CELF4: variants seen among roughly 807,000 people sequenced by gnomAD.
CELF4 encodes CUG-BP- and ETR-3-like factor 4.
CELF4 carries 18 observed loss-of-function variants against 59.9 expected under a neutral mutation model. The observed-to-expected ratio is 0.30, with a 90% CI of 0.21 to 0.45. CELF4 has a LOEUF of 0.45. CELF4 is among the 20% of genes least tolerant of loss of function. The probability of loss-of-function intolerance (pLI) is 1.00; values close to 1 mark genes in which losing one functional copy is unlikely to be tolerated. For synonymous variants in CELF4, 261 were observed against 267.1 expected, an observed-to-expected ratio of 0.98 and a Z score of 0.22; for missense variants, 456 against 689.0, an observed-to-expected ratio of 0.66 and a Z score of 3.79.
intron 1 of CELF4, among the ~76,000 whole-genome samples, chr18:37,534,415 G>C (rs958292360): frequency 1.3e-5 from 2 of 152,214 alleles, no homozygotes; most frequent in East Asian, 3.9e-4. Context: ...GGTCCCCACC[G>C]GCACCACTGC....
intron 2 of CELF4, among the ~76,000 whole-genome samples, chr18:37,378,949 C>T (rs2099004178): frequency 1.3e-5 from 2 of 152,232 alleles, no homozygotes; most frequent in Admixed American, 6.5e-5. Context: ...CTCTGCAAGG[C>T]TGATACATCC....
At chr18:37,292,674 C>G (rs141139694) in intron 3 of CELF4, among the ~76,000 whole-genome samples, 1 of 152,046 alleles carries the variant, frequency 6.6e-6, no homozygotes, top group Non-Finnish European at 1.5e-5. Flanking sequence ...GCCACAATCC[C>G]GAGAAAATAA....
At position 37,408,500 on chromosome 18, in the gene CELF4, GGCGC is replaced by G. The variant is rs796220350; in HGVS notation, c.369+77021_369+77024del. ...CCCCCTTTGGTTGGTGCCGGGGGGG[GGCGC>G]GGTGCAGGAGGATGTGAGAGGAGGA... is the stretch of plus-strand genomic sequence containing the variant. On this transcript the variant is annotated intron_variant, in intron 2 of 12. Coordinates refer to ENST00000420428, the MANE Select transcript of CELF4 (RefSeq NM_020180.4). Among the ~76,000 whole-genome samples the G allele has an allele frequency of 5.1e-4, 44 of 85,984 alleles. 1 individual carries two copies. In the South Asian group the frequency reaches 7.3e-3, roughly 14 times the overall value. The allele number at this position is 85,984 out of a possible 152,430, so 56.4% of individuals were successfully genotyped here. A position where few individuals can be genotyped will look rare whatever the true frequency, so the allele number is the denominator to read the frequency against.
In CELF4 at chr18:37,315,066, G is replaced by A. The variant is rs1215907679; in HGVS notation, c.448+6737C>T. On this transcript the variant is annotated intron_variant, in intron 3 of 12. Coordinates refer to ENST00000420428, the MANE Select transcript of CELF4 (RefSeq NM_020180.4). ...TGTGTCGTGTGCTTTTCAGTTCTGG[G>A]TTCCTGGAGAGGGTGGCAGACCCTG... Among the ~76,000 whole-genome samples, 4 of 152,196 alleles carry A rather than the reference G, an allele frequency of 2.6e-5. No individual in the cohort carries two copies. The East Asian group carries it at 7.7e-4, about 29-fold the overall frequency.
At chr18:37,405,704 C>A (rs2099383574) in intron 2 of CELF4, among the ~76,000 whole-genome samples, 1 of 152,216 alleles carries the variant, frequency 6.6e-6, no homozygotes. Flanking sequence ...TATGTTCTTC[C>A]CGCTAAAAGC....
At chr18:37,310,191 A>C (rs2096594552) in intron 3 of CELF4, among the ~76,000 whole-genome samples, 1 of 152,004 alleles carries the variant, frequency 6.6e-6, no homozygotes, top group Non-Finnish European at 1.5e-5. Flanking sequence ...TCCACTTTGC[A>C]ATAGGATGAT....
At chr18:37,554,274 G>T (rs556856348) in intron 1 of CELF4, among the ~76,000 whole-genome samples, 5 of 152,254 alleles carry the variant, frequency 3.3e-5, no homozygotes, top group South Asian at 2.1e-4. Context: ...GCAGTGACCC[G>T]CAGGGCTCTT....
rs139235276 is a variant in CELF4 at position 37,553,979 on chromosome 18, C to T, written c.286+11377G>A. ...TCACACGCAATTTAGGGGCTTCCTC[C>T]CCAGGTATGAAAAAGGTGTAAAGAA... On this transcript the variant is annotated intron_variant, in intron 1 of 12. Coordinates refer to ENST00000420428, the MANE Select transcript of CELF4 (RefSeq NM_020180.4). Among the ~76,000 whole-genome samples the T allele has an allele frequency of 2.5e-3, 378 of 152,310 alleles. 1 individual carries two copies. The highest frequency in any genetic ancestry group is 6.8e-3 in the Middle Eastern group (2 of 294).
chr18:37,555,639 C>T (rs1207164919), intron 1 of CELF4, among the ~76,000 whole-genome samples: 3 of 152,190 alleles, frequency 2.0e-5, no homozygotes, highest in Non-Finnish European at 4.4e-5. Flanking sequence ...TATTGGTCAA[C>T]CAAGATATTG....
At chr18:37,391,612 G>A (rs1446934083) in intron 2 of CELF4, among the ~76,000 whole-genome samples, 2 of 152,214 alleles carry the variant, frequency 1.3e-5, no homozygotes, top group Non-Finnish European at 2.9e-5. Context: ...TCCCTTGGTT[G>A]TCTTGATGTC....
chr18:37,279,177 T>C (rs1205679539), intron 3 of CELF4, among the ~76,000 whole-genome samples: 2 of 152,120 alleles, frequency 1.3e-5, no homozygotes, highest in Non-Finnish European at 2.9e-5. Flanking sequence ...CCTGAGCCTG[T>C]TGCTTCCCAT....
At chr18:37,543,972 G>T (rs141433281) in intron 1 of CELF4, among the ~76,000 whole-genome samples, 84 of 152,076 alleles carry the variant, frequency 5.5e-4, no homozygotes, top group African/African-American at 2.0e-3. Flanking sequence ...GGCTCGGTGC[G>T]GTCTGTCCAG....
At chr18:37,348,242 G>GGTT (rs1311885702) in intron 2 of CELF4, among the ~76,000 whole-genome samples, 1 of 152,176 alleles carries the variant, frequency 6.6e-6, no homozygotes, top group Non-Finnish European at 1.5e-5. Context: ...CTGCTAAGCA[G>GGTT]GGTCAAATGC....
At position 37,445,520 on chromosome 18, in the gene CELF4, G is replaced by A. The variant is rs558795401; in HGVS notation, c.369+40005C>T. On this transcript the variant is annotated intron_variant, in intron 2 of 12. Coordinates refer to ENST00000420428, the MANE Select transcript of CELF4 (RefSeq NM_020180.4). The stretch of plus-strand genomic sequence containing the variant: ...TGTCACCTCGTGGGGTAGTGCTGCC[G>A]CCAGACAGCCTGGGGCTGAGTTACA... 5.4e-4 allele frequency among the ~76,000 whole-genome samples: 82 copies of A among 152,014 alleles called. 1 individual carries two copies. Among genetic ancestry groups the A allele is most frequent in the African/African-American group, 1.5e-3 (62 of 41,440 alleles).
intron 3 of CELF4, among the ~76,000 whole-genome samples, chr18:37,310,981 A>C (rs1012748438): frequency 6.6e-6 from 1 of 152,180 alleles, no homozygotes; most frequent in East Asian, 1.9e-4. Flanking sequence ...TCTCTCTGTC[A>C]TTCCTATTCC....
chr18:37,268,338 C>A (rs1435419091), intron 8 of CELF4, among the ~76,000 whole-genome samples: 3 of 152,202 alleles, frequency 2.0e-5, no homozygotes, highest in Non-Finnish European at 4.4e-5. Context: ...TCCTCTCTGC[C>A]TTCCCTCTGC....
rs1469318396 is a variant in CELF4 at position 37,263,016 on chromosome 18, T to C, written c.1249+1658A>G. On this transcript the variant is annotated intron_variant, in intron 10 of 12. Coordinates refer to ENST00000420428, the MANE Select transcript of CELF4 (RefSeq NM_020180.4). ...CAGAAGTTGCCTGCTGGGTGTGAGC[T>C]GGGGTGGTATGCCTCATGCACAGCC... 2.0e-5 allele frequency among the ~76,000 whole-genome samples: 3 copies of C among 152,054 alleles called. No homozygotes were observed. In the East Asian group the frequency reaches 5.8e-4, roughly 29 times the overall value.
At chr18:37,433,775 G>A (rs757815569) in intron 2 of CELF4, among the ~76,000 whole-genome samples, 1 of 152,120 alleles carries the variant, frequency 6.6e-6, no homozygotes. Flanking sequence ...AAGTCTTCAC[G>A]ATTCTGTCAC....
chr18:37,412,892 G>C (rs1197693253), intron 2 of CELF4, among the ~76,000 whole-genome samples: 1 of 152,146 alleles, frequency 6.6e-6, no homozygotes, highest in Non-Finnish European at 1.5e-5. Flanking sequence ...GTTGTTCTCG[G>C]TGTGAGGTTG....
Sources: gnomAD v4.1 joint callset for allele counts (sites outside exome capture counted in the v4.1 genomes callset) on GRCh38, gnomAD v4.1.1 for gene constraint, MANE v1.5 for transcripts, NCBI Gene and HGNC (gene_info 2026-07-23, HGNC 2026-07-21) for gene names.